Variants in SH2D3A observed in about 807,000 individuals in gnomAD.
SH2D3A encodes SH2 domain containing 3A, also known as SH2 domain-containing protein 3A.
In SH2D3A, 46 loss-of-function variants were observed where a neutral mutation model predicts 50.6. The ratio of observed to expected loss-of-function variants is 0.91; its 90% CI spans 0.72 to 1.16. The LOEUF (loss-of-function observed/expected upper bound fraction) is 1.16. Ranked by LOEUF, SH2D3A falls within the 50% of genes most tolerant of loss-of-function variation. The pLI, the probability that SH2D3A is intolerant of heterozygous loss-of-function variation, is 0.00. For missense variants in SH2D3A, 783 were observed against 786.2 expected (o/e 1.00, Z 0.05); for synonymous variants, 377 against 348.4 (o/e 1.08, Z -0.91).
chr19:6,753,817 A>G (rs1359992521), intron 8 of SH2D3A, among the ~76,000 whole-genome samples, 176 bp from the exon 9 acceptor site: 2 of 151,624 alleles, frequency 1.3e-5, no homozygotes, highest in African/African-American at 4.9e-5. Flanking sequence ...GAAGGGGCGT[A>G]GCCTAGGGAA....
In SH2D3A at chr19:6,760,836, G is replaced by A. The variant is rs1969972937; in HGVS notation, c.221C>T (p.Pro74Leu). The A allele has an allele frequency of 6.2e-7, 1 of 1,614,246 alleles. No homozygotes were observed. The highest frequency in any genetic ancestry group is 2.2e-5 in the East Asian group (1 of 44,890). Residue 74 changes from proline to leucine, a missense_variant, in exon 3 of 10, where the codon CCC becomes CTC. Transcript: ENST00000245908. ...RVALRPRPGR[P>L]TALFQLEDEQ... ...ATCCTCCAGTTGAAAGAGGGCTGTG[G>A]GTCGGCCTGGCCGGGGACGCAGGGC...
intron 4 of SH2D3A, chr19:6,757,684 C>T (rs1230168893): frequency 6.6e-6 from 1 of 152,254 alleles, no homozygotes. Context: ...ATGGCTCACG[C>T]CTGTAATCCC....
intron 3 of SH2D3A, 65 bp downstream of exon 3, chr19:6,760,573 A>G (rs931634477): frequency 1.5e-6 from 2 of 1,368,622 alleles, no homozygotes; most frequent in Non-Finnish European, 2.0e-6. Flanking sequence ...AAAAAAGTCA[A>G]CCATTGAGTT....
Position 6,754,168 on chromosome 19 carries a change from G to A in SH2D3A, c.1273-5C>T, listed in dbSNP as rs1233863107. The A allele has an allele frequency of 1.2e-6, 2 of 1,612,286 alleles. No homozygotes were observed. Among genetic ancestry groups the A allele is most frequent in the Non-Finnish European group, 1.7e-6 (2 of 1,179,410 alleles). On this transcript the variant is annotated splice_region_variant and splice_polypyrimidine_tract_variant and intron_variant, in intron 7 of 9. Transcript: ENST00000245908. ...CGTGTGCTCCAACCGGGACACCTGG[G>A]AGAAGAGATCTGAGCACGCCTCCTC...
intron 9 of SH2D3A, chr19:6,753,031 T>C: frequency 1.0e-6 from 1 of 984,070 alleles, no homozygotes; most frequent in African/African-American, 1.8e-5. Flanking sequence ...GGGCTGTGCC[T>C]GGACGTGGGG....
intron 1 of SH2D3A, among the ~76,000 whole-genome samples, chr19:6,766,872 A>G (rs1970327272): frequency 6.6e-6 from 1 of 152,208 alleles, no homozygotes; most frequent in Non-Finnish European, 1.5e-5. Flanking sequence ...TCAGTACAGA[A>G]GGAGGCAGTT....
Position 6,753,502 on chromosome 19 carries a change from G to A in SH2D3A, c.1524C>T (p.Val508=), listed in dbSNP as rs758150126. 2.6e-6 allele frequency: 4 copies of A among 1,554,564 alleles called. No individual in the cohort carries two copies. In the African/African-American group the frequency reaches 4.1e-5, roughly 16 times the overall value. Residue 508 remains valine, a synonymous_variant, in exon 9 of 10, where the codon GTC becomes GTT. Transcript: ENST00000245908. The stretch of plus-strand genomic sequence containing the variant: ...CCTTGCGGAATTTGGGTGCGTCCCG[G>A]ACCATGTGACGCGCCCCGTGCAGGG... ...LRTLHGARHM[V]RDAPKFRKVA...
intron 1 of SH2D3A, among the ~76,000 whole-genome samples, chr19:6,766,749 G>A (rs973355800): frequency 2.6e-5 from 4 of 152,230 alleles, no homozygotes; most frequent in Non-Finnish European, 5.9e-5. Context: ...AAGATGAATG[G>A]AGAAGACAGA....
At position 6,761,594 on chromosome 19, in the gene SH2D3A, C is replaced by T. The variant is rs183577860; in HGVS notation, c.70-607G>A. 8.1e-4 allele frequency among the ~76,000 whole-genome samples: 123 copies of T among 152,212 alleles called. 1 individual carries two copies. The highest frequency in any genetic ancestry group is 2.8e-3 in the African/African-American group (116 of 41,534). On this transcript the variant is annotated intron_variant, in intron 2 of 9. Coordinates refer to ENST00000245908, the MANE Select transcript of SH2D3A (RefSeq NM_005490.3). ...TAGCTGGATGCTTCCAGATTGGGGCCCCCTCTTTTATAAACATTTGCAAGC... is the reference window on the plus strand; with the variant it reads ...TAGCTGGATGCTTCCAGATTGGGGCTCCCTCTTTTATAAACATTTGCAAGC...
chr19:6,755,372 C>T (rs200031410), intron 4 of SH2D3A, 57 bp from the exon 5 acceptor site: 35 of 1,274,090 alleles, frequency 2.7e-5, no homozygotes, highest in Middle Eastern at 2.4e-4. Context: ...GCTGAATGGG[C>T]GGGGGTGAGA....
At chr19:6,764,069 C>A in intron 1 of SH2D3A, 1 of 171,300 alleles carries the variant, frequency 5.8e-6, no homozygotes. Flanking sequence ...TGCACCACCA[C>A]ACCCAGCTAA....
intron 8 of SH2D3A, 86 bp downstream of exon 8, chr19:6,753,966 G>A (rs1969488385): frequency 7.0e-7 from 1 of 1,431,392 alleles, no homozygotes; most frequent in African/African-American, 1.4e-5. Flanking sequence ...TAGAACAGAT[G>A]CAGGGACTGG....
At position 6,755,053 on chromosome 19, in the gene SH2D3A, T is replaced by G. The variant is rs1446353065; in HGVS notation, c.759A>C (p.Pro253=). ...CCTCGGCCTCCCACCATGGGGCCTC[T>G]GGCTCTGGGCAGCTTTGGCTCGGGG... is the stretch of plus-strand genomic sequence containing the variant. ...GTSPSQSCPE[P]EAPWWEAEED... is the part of the protein sequence containing the mutation. The change falls in exon 5 of 10, where the codon CCA becomes CCC. Residue 253 remains proline (P), a synonymous_variant. Transcript: ENST00000245908. The G allele has an allele frequency of 1.9e-6, 3 of 1,613,770 alleles. No homozygotes were observed. The African/African-American group carries it at 4.0e-5, about 22-fold the overall frequency.
intron 7 of SH2D3A, 26 bp downstream of exon 7, chr19:6,754,225 T>G (rs1440429768): frequency 3.1e-6 from 5 of 1,605,328 alleles, no homozygotes; most frequent in Non-Finnish European, 4.2e-6. Flanking sequence ...CACTCCAGCT[T>G]CCTCCAGTCC....
intron 2 of SH2D3A, among the ~76,000 whole-genome samples, chr19:6,762,681 C>CTT (rs941083340): frequency 4.7e-5 from 6 of 126,774 alleles, no homozygotes; most frequent in Non-Finnish European, 6.9e-5. Context: ...ATAATTTTCG[C>CTT]TTTTTTTTTT....
chr19:6,766,526 C>T (rs763275407), intron 1 of SH2D3A, among the ~76,000 whole-genome samples: 1 of 152,146 alleles, frequency 6.6e-6, no homozygotes, highest in South Asian at 2.1e-4. Context: ...GTGGGGAGGA[C>T]GTGGAGGGTG....
Position 6,754,975 on chromosome 19 carries a change from A to G in SH2D3A, c.837T>C (p.Ser279=), listed in dbSNP as rs771215018. 6.2e-7 allele frequency: 1 copy of G among 1,613,788 alleles called. No individual in the cohort carries two copies. The highest frequency in any genetic ancestry group is 8.5e-7 in the Non-Finnish European group (1 of 1,179,854). The change falls in exon 5 of 10, where the codon TCT becomes TCC. Residue 279 remains serine, a synonymous_variant. Coordinates refer to ENST00000245908, the MANE Select transcript of SH2D3A (RefSeq NM_005490.3). ...RCFTRPQAEI[S]FCPHDAPSCL... ...AGGAGGGGGCATCATGGGGGCAGAA[A>G]GAGATCTCAGCCTGTGGTCTTGTAA... is the stretch of plus-strand genomic sequence containing the variant.
Position 6,754,639 on chromosome 19 carries a change from G to A in SH2D3A, c.1074C>T (p.His358=). 6.2e-7 allele frequency: 1 copy of A among 1,614,248 alleles called. No individual in the cohort carries two copies. Among genetic ancestry groups the A allele is most frequent in the Non-Finnish European group, 8.5e-7 (1 of 1,180,042 alleles). The part of the protein sequence containing the change: ...LELLTLPHGH[H]LRLELLERHQ... The stretch of plus-strand genomic sequence containing the variant: ...ACCTCTCCAGCAGTTCCAACCTCAA[G>A]TGGTGTCCATGGGGAAGAGTGAGCA... The change falls in exon 6 of 10, where the codon CAC becomes CAT. Residue 358 remains histidine (H), a synonymous_variant. Coordinates refer to ENST00000245908, the MANE Select transcript of SH2D3A (RefSeq NM_005490.3).
intron 2 of SH2D3A, among the ~76,000 whole-genome samples, chr19:6,761,963 A>AC (rs1166802042): frequency 1.9e-5 from 2 of 107,374 alleles, no homozygotes; most frequent in Non-Finnish European, 4.0e-5. Flanking sequence ...ACAAAAAAAA[A>AC]ACAAAAAAAA....
Sources: allele counts gnomAD v4.1 joint callset (sites outside exome capture counted in the v4.1 genomes callset), GRCh38; gene constraint gnomAD v4.1.1; transcripts MANE v1.5; gene names NCBI Gene and HGNC (gene_info 2026-07-23, HGNC 2026-07-21).